SHROOM3: variants seen among roughly 807,000 people sequenced by gnomAD.
SHROOM3 encodes protein Shroom3.
A neutral mutation model predicts 138.6 loss-of-function variants in SHROOM3; 47 were observed. The observed-to-expected ratio is 0.34, with a 90% CI of 0.27 to 0.43. The LOEUF (loss-of-function observed/expected upper bound fraction) is 0.43, where lower values mean the gene tolerates loss of function less well. Among genes scored for constraint, SHROOM3 ranks in the 20% least tolerant of loss-of-function variants. The pLI, the probability that SHROOM3 is intolerant of heterozygous loss-of-function variation, is 1.00. For synonymous variants in SHROOM3, 1,062 were observed against 1,063.3 expected, an observed-to-expected ratio of 1.00 and a Z score of 0.02; for missense variants, 2,491 against 2,596.5, an observed-to-expected ratio of 0.96 and a Z score of 0.88.
intron 9 of SHROOM3, 117 bp from the exon 10 acceptor site, chr4:76,770,509 A>G (rs2109791671): frequency 8.2e-7 from 1 of 1,221,740 alleles, no homozygotes; most frequent in East Asian, 2.5e-5. Flanking sequence ...CATATAGAGA[A>G]GGGGGAGGAT....
rs1369388804 is a variant in SHROOM3, at chr4:76,661,638, G to GT, written c.324-48512dup. Among the ~76,000 whole-genome samples the GT allele has an allele frequency of 5.3e-5, 8 of 152,190 alleles. No homozygotes were observed. In the East Asian group the frequency reaches 1.4e-3, roughly 26 times the overall value. On this transcript the variant is annotated intron_variant, in intron 2 of 10. Transcript: ENST00000296043. ...TTCTGATTTATTTCACCATAGATTA[G>GT]TTTTTTCTATCCTAGAAATTCGTTA...
chr4:76,751,309 G>A (rs976285214), intron 6 of SHROOM3, among the ~76,000 whole-genome samples: 3 of 152,174 alleles, frequency 2.0e-5, no homozygotes, highest in Non-Finnish European at 4.4e-5. Context: ...TGTTCTCCAT[G>A]AATGCCTATT....
chr4:76,474,299 G>A (rs1355248599), intron 1 of SHROOM3, among the ~76,000 whole-genome samples: 3 of 152,178 alleles, frequency 2.0e-5, no homozygotes, highest in Non-Finnish European at 4.4e-5. Flanking sequence ...GGATGGGAGA[G>A]TGACTACTAG....
chr4:76,457,410 C>T (rs748851351), intron 1 of SHROOM3, among the ~76,000 whole-genome samples: 6 of 152,098 alleles, frequency 3.9e-5, no homozygotes, highest in Non-Finnish European at 8.8e-5. Flanking sequence ...TTAGAAGCTT[C>T]CTGAGGCCTC....
chr4:76,565,159 TCAAAAAAAAAAA>T (rs1733696602), intron 2 of SHROOM3, among the ~76,000 whole-genome samples: 1 of 75,686 alleles, frequency 1.3e-5, no homozygotes, highest in East Asian at 3.5e-4. Flanking sequence ...AGACTCCATT[TCAAAAAAAAAAA>T]AAAAAAAAAA....
intron 2 of SHROOM3, among the ~76,000 whole-genome samples, chr4:76,610,399 C>A (rs1734736661): frequency 6.6e-6 from 1 of 152,088 alleles, no homozygotes; most frequent in Non-Finnish European, 1.5e-5. Flanking sequence ...TTTTAGTAAC[C>A]TTTAGCAGAC....
chr4:76,464,512 C>T (rs541692039), intron 1 of SHROOM3, among the ~76,000 whole-genome samples: 7 of 151,718 alleles, frequency 4.6e-5, no homozygotes, highest in Admixed American at 1.3e-4. Flanking sequence ...AGTTAAAACT[C>T]GGGGGGACTG....
chr4:76,730,576 A>C lies in SHROOM3; in HGVS notation c.456-228A>C, dbSNP rs185836012. ...ACTAATTTTGCAACATTTTAATGCA[A>C]GTCTGAAATTATGTCAAAATAAGTA... is the stretch of plus-strand genomic sequence containing the variant. On this transcript the variant is annotated intron_variant, in intron 3 of 10. Transcript: ENST00000296043. 2.3e-3 allele frequency among the ~76,000 whole-genome samples: 343 copies of C among 152,372 alleles called. 2 individuals are homozygous for C. The highest frequency in any genetic ancestry group is 8.0e-3 in the African/African-American group (332 of 41,578).
At chr4:76,606,004 TATA>T (rs1243455632) in intron 2 of SHROOM3, among the ~76,000 whole-genome samples, 2 of 107,274 alleles carry the variant, frequency 1.9e-5, no homozygotes, top group African/African-American at 8.8e-5. Flanking sequence ...TATATATATA[TATA>T]TTTTTTTTTT....
intron 2 of SHROOM3, among the ~76,000 whole-genome samples, chr4:76,610,172 A>G (rs1734732711): frequency 6.6e-6 from 1 of 152,258 alleles, no homozygotes; most frequent in Non-Finnish European, 1.5e-5. Flanking sequence ...AAACTAAAAG[A>G]GAAGATAACC....
chr4:76,734,276 A>G (rs571513732), intron 4 of SHROOM3, among the ~76,000 whole-genome samples: 476 of 7,814 alleles, frequency 0.061, 2 homozygotes, highest in South Asian at 0.25. Context: ...TTTAGAAAAC[A>G]TCTCTTAGTT....
chr4:76,445,328 C>T (rs556066352), intron 1 of SHROOM3, among the ~76,000 whole-genome samples: 3 of 152,140 alleles, frequency 2.0e-5, no homozygotes, highest in East Asian at 3.9e-4. Context: ...CAGAAGGGGA[C>T]TGGCAATAAA....
At chr4:76,480,084 A>G (rs1277756984) in intron 1 of SHROOM3, among the ~76,000 whole-genome samples, 2 of 152,224 alleles carry the variant, frequency 1.3e-5, no homozygotes, top group Admixed American at 6.5e-5. Context: ...AGGCAAAATA[A>G]CCAGATAGCA....
intron 3 of SHROOM3, among the ~76,000 whole-genome samples, chr4:76,714,955 T>C (rs1483047025): frequency 2.6e-5 from 4 of 152,136 alleles, no homozygotes; most frequent in African/African-American, 9.7e-5. Context: ...AAGTCCTGTT[T>C]GGAAATGTGG....
intron 2 of SHROOM3, among the ~76,000 whole-genome samples, chr4:76,570,406 G>A (rs1478621849): frequency 6.6e-6 from 1 of 152,148 alleles, no homozygotes; most frequent in African/African-American, 2.4e-5. Context: ...GCAACCTGGG[G>A]CTGTGGCTGG....
chr4:76,608,486 T>TTATA (rs1323335374), intron 2 of SHROOM3, among the ~76,000 whole-genome samples: 1 of 151,962 alleles, frequency 6.6e-6, no homozygotes, highest in Non-Finnish European at 1.5e-5. Flanking sequence ...GGTCATTAGA[T>TTATA]TATACTCTCC....
At chr4:76,554,790 C>G (rs1212791870) in intron 1 of SHROOM3, among the ~76,000 whole-genome samples, 1 of 152,110 alleles carries the variant, frequency 6.6e-6, no homozygotes. Context: ...GGTCTGTTAG[C>G]AACCAGGCCG....
At chr4:76,545,788 C>T (rs931272725) in intron 1 of SHROOM3, among the ~76,000 whole-genome samples, 5 of 152,096 alleles carry the variant, frequency 3.3e-5, no homozygotes, top group African/African-American at 1.2e-4. Context: ...CTTATTGTTC[C>T]CATATTAGGT....
At chr4:76,639,645 A>G (rs1735605901) in intron 2 of SHROOM3, 1 of 398,490 alleles carries the variant, frequency 2.5e-6, no homozygotes, top group East Asian at 3.6e-5. Context: ...CGAAACATGT[A>G]AGTGAGGGCT....
Sources: gnomAD v4.1 joint callset for allele counts (sites outside exome capture counted in the v4.1 genomes callset) on GRCh38, gnomAD v4.1.1 for gene constraint, MANE v1.5 for transcripts, NCBI Gene and HGNC (gene_info 2026-07-23, HGNC 2026-07-21) for gene names.